SPAG16: variants seen among roughly 807,000 people sequenced by gnomAD.
SPAG16 encodes sperm-associated antigen 16 protein.
SPAG16 carries 86 observed loss-of-function variants against 80.4 expected under a neutral mutation model. The ratio of observed to expected loss-of-function variants is 1.07; its 90% confidence interval spans 0.90 to 1.28. The LOEUF (loss-of-function observed/expected upper bound fraction) is 1.28, where lower values mean the gene tolerates loss of function less well. Ranked by LOEUF, SPAG16 falls within the 50% of genes most tolerant of loss-of-function variation. SPAG16 has a pLI of 0.00. For missense variants in SPAG16, 870 were observed against 765.3 expected, an observed-to-expected ratio of 1.14 and a Z score of -1.61; for synonymous variants, 294 against 265.9, an observed-to-expected ratio of 1.11 and a Z score of -1.03.
chr2:214,101,310 C>T (rs35366236), intron 13 of SPAG16, among the ~76,000 whole-genome samples: 49,212 of 151,578 alleles, frequency 0.32, 8,212 homozygotes, highest in African/African-American at 0.35. Context: ...CATGTGTGTC[C>T]TGCTTCAGTT....
chr2:214,223,507 A>G (rs78917283), intron 15 of SPAG16, among the ~76,000 whole-genome samples: 2,734 of 152,212 alleles, frequency 0.018, 53 homozygotes, highest in African/African-American at 0.043. Context: ...TTGTTTCAGA[A>G]CAATAAAATG....
At chr2:214,380,786 G>A (rs1363553579) in intron 15 of SPAG16, among the ~76,000 whole-genome samples, 3 of 152,192 alleles carry the variant, frequency 2.0e-5, no homozygotes, top group Non-Finnish European at 2.9e-5. Context: ...GCTGAACATG[G>A]ACACCACTGT....
At chr2:214,219,834 T>C (rs1322280376) in intron 15 of SPAG16, among the ~76,000 whole-genome samples, 3 of 152,170 alleles carry the variant, frequency 2.0e-5, no homozygotes, top group African/African-American at 7.2e-5. Flanking sequence ...GCTGTTTATT[T>C]CCATCTGAAA....
At chr2:214,053,151 G>A (rs1027502437) in intron 13 of SPAG16, among the ~76,000 whole-genome samples, 3 of 152,152 alleles carry the variant, frequency 2.0e-5, no homozygotes, top group Admixed American at 6.5e-5. Flanking sequence ...CATGCAATTC[G>A]AGCATGGAAA....
At chr2:213,737,490 TTTC>T (rs1438985109) in intron 10 of SPAG16, among the ~76,000 whole-genome samples, 10 of 23,608 alleles carry the variant, frequency 4.2e-4, no homozygotes, top group Admixed American at 1.0e-3. Context: ...TTCTTTTTCT[TTTC>T]TTTTTTTTTT....
chr2:214,241,305 C>T (rs181451624), intron 15 of SPAG16: 2,637 of 145,838 alleles, frequency 0.018, 46 homozygotes, highest in African/African-American at 0.043. Flanking sequence ...TTGCAGTGAG[C>T]GGAGATCACG....
intron 12 of SPAG16, among the ~76,000 whole-genome samples, chr2:213,981,920 T>G (rs2045767173): frequency 6.7e-6 from 1 of 149,548 alleles, no homozygotes; most frequent in Non-Finnish European, 1.5e-5. Flanking sequence ...AGTTTCTGAT[T>G]TTTTTACATT....
chr2:214,227,430 A>G (rs1230530315), intron 15 of SPAG16, among the ~76,000 whole-genome samples: 4 of 152,036 alleles, frequency 2.6e-5, no homozygotes, highest in African/African-American at 9.7e-5. Context: ...TATTACCAAA[A>G]ACTACATATA....
intron 12 of SPAG16, among the ~76,000 whole-genome samples, chr2:213,940,098 A>T (rs2079137565): frequency 6.6e-6 from 1 of 152,228 alleles, no homozygotes; most frequent in South Asian, 2.1e-4. Flanking sequence ...GAAAAGGTAC[A>T]AAATTTTAAA....
chr2:213,933,744 A>C (rs1370610114), intron 12 of SPAG16, among the ~76,000 whole-genome samples: 1 of 152,186 alleles, frequency 6.6e-6, no homozygotes, highest in Non-Finnish European at 1.5e-5. Context: ...TTCTAAGTGT[A>C]TTGTGTCCAA....
intron 9 of SPAG16, among the ~76,000 whole-genome samples, chr2:213,390,656 T>C (rs932491179): frequency 2.6e-5 from 4 of 152,178 alleles, no homozygotes; most frequent in African/African-American, 7.2e-5. Flanking sequence ...ACAGTAAAAT[T>C]ATTAGATTAT....
intron 10 of SPAG16, among the ~76,000 whole-genome samples, chr2:213,598,500 T>C (rs921342424): frequency 2.6e-5 from 4 of 152,152 alleles, no homozygotes; most frequent in African/African-American, 9.7e-5. Context: ...TACTAAACAT[T>C]GATGATCACT....
chr2:214,175,524 C>T (rs1424074984), intron 15 of SPAG16, among the ~76,000 whole-genome samples: 2 of 151,092 alleles, frequency 1.3e-5, no homozygotes, highest in East Asian at 3.9e-4. Flanking sequence ...AGAGCACTTC[C>T]TCTTGGCTAG....
chr2:213,490,215 C>T, intron 10 of SPAG16, 125 bp downstream of exon 10: 1 of 890,594 alleles, frequency 1.1e-6, no homozygotes, highest in African/African-American at 1.7e-5. Flanking sequence ...CTACTCATAG[C>T]ATGAAAGAAT....
chr2:213,850,236 A>G (rs1202292141), intron 10 of SPAG16, among the ~76,000 whole-genome samples: 1 of 152,238 alleles, frequency 6.6e-6, no homozygotes. Flanking sequence ...TGGAAATGAC[A>G]TTGTGTGGAT....
intron 9 of SPAG16, among the ~76,000 whole-genome samples, chr2:213,470,674 A>G (rs901654632): frequency 2.0e-5 from 3 of 152,152 alleles, no homozygotes; most frequent in Non-Finnish European, 1.5e-5. Context: ...ATAACCTCCA[A>G]TCCTCCCATC....
At chr2:213,572,655 G>C (rs2059957355) in intron 10 of SPAG16, among the ~76,000 whole-genome samples, 1 of 152,070 alleles carries the variant, frequency 6.6e-6, no homozygotes, top group African/African-American at 2.4e-5. Context: ...GTCAGACAGG[G>C]ACACTTAAGT....
At chr2:213,928,941 AC>A (rs2078624329) in intron 11 of SPAG16, among the ~76,000 whole-genome samples, 2 of 123,338 alleles carry the variant, frequency 1.6e-5, no homozygotes, top group African/African-American at 5.6e-5. Context: ...ACACACACAC[AC>A]AAAACCAACT....
At chr2:214,049,026 C>A (rs931082427) in intron 13 of SPAG16, among the ~76,000 whole-genome samples, 2 of 150,480 alleles carry the variant, frequency 1.3e-5, no homozygotes, top group East Asian at 4.1e-4. Flanking sequence ...GCCTTGAACT[C>A]CTGGGCTCAA....
Sources: gnomAD v4.1 joint callset for allele counts (sites outside exome capture counted in the v4.1 genomes callset) on GRCh38, gnomAD v4.1.1 for gene constraint, MANE v1.5 for transcripts, NCBI Gene and HGNC (gene_info 2026-07-23, HGNC 2026-07-21) for gene names.